UMOD: variants seen among roughly 807,000 people sequenced by gnomAD.
UMOD encodes the protein Tamm-Horsfall urinary glycoprotein.
Under a neutral mutation model 66.0 loss-of-function variants are expected in UMOD, and 64 were observed. The ratio of observed to expected loss-of-function variants is 0.97; its 90% CI spans 0.79 to 1.19. UMOD has a LOEUF of 1.19. UMOD is among the 50% of genes most tolerant of loss of function. The pLI is 0.00. For missense variants in UMOD, 764 were observed against 850.9 expected (o/e 0.90, Z 1.27); for synonymous variants, 398 against 352.7 (o/e 1.13, Z -1.44).
At chr16:20,353,464 A>G (rs927014308), upstream of UMOD, among the ~76,000 whole-genome samples, 2 of 152,202 alleles carry the variant, frequency 1.3e-5, no homozygotes, top group Non-Finnish European at 2.9e-5. Flanking sequence ...TTCCTTGTCT[A>G]TAAAATGAGA....
chr16:20,334,016 A>T (rs986909374), intron 10 of UMOD, among the ~76,000 whole-genome samples: 1 of 137,328 alleles, frequency 7.3e-6, no homozygotes, highest in Admixed American at 7.9e-5. Context: ...CCTGGGTGAC[A>T]GAGCAGATTC....
At position 20,333,332 on chromosome 16, in the gene UMOD, C is replaced by T; in HGVS notation, c.1905G>A (p.Leu635=). 1 of 1,613,236 alleles carries T rather than the reference C, an allele frequency of 6.2e-7. No homozygotes were observed. The change falls in exon 11 of 11, where the codon TTG becomes TTA. Residue 635 remains leucine, a synonymous_variant. Transcript: ENST00000396138. ...VWLPLLLSAT[L]TLTFQ is the part of the protein sequence containing the mutation. ...CTGTCAGTCACTGAAAAGTCAGGGT[C>T]AAGGTGGCCGAGAGAAGCAGAGGCA...
intron 7 of UMOD, among the ~76,000 whole-genome samples, chr16:20,340,507 A>C (rs984580263): frequency 3.3e-5 from 5 of 150,400 alleles, no homozygotes; most frequent in African/African-American, 9.7e-5. Flanking sequence ...ACATAAATAT[A>C]TATTTGCCAA....
chr16:20,336,402 C>A (rs1228605946), intron 9 of UMOD, among the ~76,000 whole-genome samples: 1 of 152,194 alleles, frequency 6.6e-6, no homozygotes, highest in African/African-American at 2.4e-5. Flanking sequence ...TTCCTACCTG[C>A]CTGTCTGGCC....
rs1344680444 is a variant in UMOD, at chr16:20,348,548, C to T, written c.753G>A (p.Trp251Ter). ...CATCCCACAGGCAGCAGTGGCCGCT[C>T]CAGTGCGCGCAGGCCTTGCGGCTCA... ...GIVSRKACAH[W>*]SGHCCLWDAS... The change falls in exon 3 of 11, where the codon TGG (tryptophan) becomes TGA (stop). Residue 251 changes from tryptophan to a stop codon, truncating the protein, a stop_gained. Coordinates refer to ENST00000396138, the MANE Select transcript of UMOD (RefSeq NM_003361.4). LOFTEE classifies it high-confidence loss of function. The T allele has an allele frequency of 6.2e-7, 1 of 1,601,088 alleles. No homozygotes were observed. The highest frequency in any genetic ancestry group is 8.5e-7 in the Non-Finnish European group (1 of 1,177,582).
chr16:20,335,802 A>T (rs1272616909), intron 9 of UMOD, among the ~76,000 whole-genome samples: 1 of 152,156 alleles, frequency 6.6e-6, no homozygotes, highest in East Asian at 1.9e-4. Context: ...TTAACAGGCC[A>T]GGCTCCCTCC....
upstream of UMOD, chr16:20,352,818 G>A (rs374097168): frequency 8.4e-6 from 9 of 1,068,810 alleles, no homozygotes; most frequent in African/African-American, 9.8e-5. Flanking sequence ...TTTTCTTGGG[G>A]GTGGAATATT....
At chr16:20,346,883 G>GAGAAAGAAAGAAAGAA (rs147502738) in intron 4 of UMOD, among the ~76,000 whole-genome samples, 9 of 151,192 alleles carry the variant, frequency 6.0e-5, no homozygotes, top group South Asian at 2.1e-4. Context: ...AAAAGAAAGA[G>GAGAAAGAAAGAAAGAA]AGAAAGAAAG....
At chr16:20,351,108 T>G in intron 1 of UMOD, 1 of 350,264 alleles carries the variant, frequency 2.9e-6, no homozygotes, top group South Asian at 2.4e-5. Context: ...AGTAGCCAGA[T>G]GGAATAGTGT....
rs755596993 is a variant in UMOD at position 20,344,007 on chromosome 16, A to C, written c.1331+17T>G. The C allele has an allele frequency of 6.2e-7, 1 of 1,612,262 alleles. No homozygotes were observed. The highest frequency in any genetic ancestry group is 8.5e-7 in the Non-Finnish European group (1 of 1,179,728). ...TTAGAACCATCTAGGGGCCCTAGGG[A>C]CCCTCTCTGGCCACACCTGACCATT... On this transcript the variant is annotated intron_variant, in intron 6 of 10. Coordinates refer to ENST00000396138, the MANE Select transcript of UMOD (RefSeq NM_003361.4).
chr16:20,343,309 C>A (rs1055311733), intron 6 of UMOD, among the ~76,000 whole-genome samples: 2 of 152,108 alleles, frequency 1.3e-5, no homozygotes, highest in Non-Finnish European at 2.9e-5. Context: ...GAATAGTTTA[C>A]CCCTGTAGGC....
In UMOD at chr16:20,341,191, C is replaced by T. The variant is rs770533587; in HGVS notation, c.1477G>A (p.Gly493Arg). 10 of 1,614,054 alleles carry T rather than the reference C, an allele frequency of 6.2e-6. No homozygotes were observed. The highest frequency in any genetic ancestry group is 7.6e-6 in the Non-Finnish European group (9 of 1,180,014). ...AFLYVGTMLDGGDLSRFALLM... is the reference protein window; with the variant it reads ...AFLYVGTMLDRGDLSRFALLM... Reference sequence around the variant, plus strand: ...AGTGCAAATCGGGACAGGTCGCCCCCATCCAACATGGTGCCCACGTAGAGA... The same window carrying T: ...AGTGCAAATCGGGACAGGTCGCCCCTATCCAACATGGTGCCCACGTAGAGA... The change falls in exon 7 of 11, where the codon GGG becomes AGG. Residue 493 changes from glycine to arginine, a missense_variant. Coordinates refer to ENST00000396138, the MANE Select transcript of UMOD (RefSeq NM_003361.4).
intron 6 of UMOD, among the ~76,000 whole-genome samples, chr16:20,341,801 T>C (rs1238781845): frequency 6.6e-6 from 1 of 152,210 alleles, no homozygotes; most frequent in Non-Finnish European, 1.5e-5. Flanking sequence ...GGCCTACAAC[T>C]TGCGTCCTGG....
At position 20,350,699 on chromosome 16, in the gene UMOD, C is replaced by CA. The variant is rs781512922; in HGVS notation, c.38dup (p.Val14GlyfsTer12). 6.2e-7 allele frequency: 1 copy of CA among 1,614,158 alleles called. No homozygotes were observed. Among genetic ancestry groups the CA allele is most frequent in the Non-Finnish European group, 8.5e-7 (1 of 1,180,024 alleles). ...CAGTTGTGATGAACCAAGAGGCCACCACCACCATCAGCATCCAAGTCAGAG... is the reference window on the plus strand; with the variant it reads ...CAGTTGTGATGAACCAAGAGGCCACCAACCACCATCAGCATCCAAGTCAGAG... On this transcript the variant is annotated frameshift_variant, in exon 2 of 11. Transcript: ENST00000396138. LOFTEE classifies it high-confidence loss of function.
intron 5 of UMOD, among the ~76,000 whole-genome samples, chr16:20,345,574 C>CTTCTCTTTCTTTCTTCCTCTCT (rs1161555572): frequency 7.4e-6 from 1 of 135,166 alleles, no homozygotes; most frequent in Admixed American, 8.3e-5. Flanking sequence ...TCTTTCCTTC[C>CTTCTCTTTCTTTCTTCCTCTCT]TTCTCTTTCT....
At position 20,349,907 on chromosome 16, in the gene UMOD, CTGT is replaced by C. The variant is rs1260044209; in HGVS notation, c.89-698_89-696del. 12 of 1,507,070 alleles carry C rather than the reference CTGT, an allele frequency of 8.0e-6. 1 individual carries two copies. The East Asian group carries it at 2.7e-4, about 34-fold the overall frequency. The allele number at this position is 1,507,070 out of a possible 1,614,324, so 93.4% of individuals were successfully genotyped here. A position where few individuals can be genotyped will look rare whatever the true frequency, so the allele number is the denominator to read the frequency against. Reference sequence around the variant, plus strand: ...AATAACCATTAAAAAAAAAAAGAAGCTGTTGTTTATTAAGCAATTACTATATGC... The same window carrying C: ...AATAACCATTAAAAAAAAAAAGAAGCTGTTTATTAAGCAATTACTATATGC... On this transcript the variant is annotated intron_variant, in intron 2 of 10. Coordinates refer to ENST00000396138, the MANE Select transcript of UMOD (RefSeq NM_003361.4).
chr16:20,333,178 T>C lies in UMOD; in HGVS notation c.*136A>G. The C allele has an allele frequency of 1.1e-6, 1 of 922,046 alleles. No individual in the cohort carries two copies. The allele number at this position is 922,046 out of a possible 1,614,324, so 57.1% of individuals were successfully genotyped here. A position where few individuals can be genotyped will look rare whatever the true frequency, so the allele number is the denominator to read the frequency against. On this transcript the variant is annotated 3_prime_UTR_variant, in exon 11 of 11. Transcript: ENST00000396138. The stretch of plus-strand genomic sequence containing the variant: ...CAGGCTGTTTCTCGACAGCCAGGAT[T>C]AAAAGGGAGAAAAGAAGGCAGGCTG...
rs548333017 is a variant in UMOD, at chr16:20,340,551, G to A, written c.1577+540C>T. 4.8e-3 allele frequency among the ~76,000 whole-genome samples: 727 copies of A among 150,518 alleles called. 4 individuals carry two copies. The highest frequency in any genetic ancestry group is 0.016 in the African/African-American group (665 of 41,002). On this transcript the variant is annotated intron_variant, in intron 7 of 10. Coordinates refer to ENST00000396138, the MANE Select transcript of UMOD (RefSeq NM_003361.4). The stretch of plus-strand genomic sequence containing the variant: ...TATTGATAATTCATTAAATAATAAG[G>A]TCTAGTGAAAATTCTAATGCTATAG...
rs749369652 is a variant in UMOD at position 20,336,639 on chromosome 16, C to T, written c.1822+7G>A. ...CAGGAATGTTGAGGAGCGAGTGGCTCTCTTACCTTTCCGTGTGATGGGACC... is the reference window on the plus strand; with the variant it reads ...CAGGAATGTTGAGGAGCGAGTGGCTTTCTTACCTTTCCGTGTGATGGGACC... On this transcript the variant is annotated splice_region_variant and intron_variant, in intron 9 of 10. Transcript: ENST00000396138. The T allele has an allele frequency of 1.4e-5, 23 of 1,613,532 alleles. No homozygotes were observed. Among genetic ancestry groups the T allele is most frequent in the Non-Finnish European group, 1.9e-5 (22 of 1,179,578 alleles).
Sources: gnomAD v4.1 joint callset for allele counts (sites outside exome capture counted in the v4.1 genomes callset) on GRCh38, gnomAD v4.1.1 for gene constraint, MANE v1.5 for transcripts, NCBI Gene and HGNC (gene_info 2026-07-23, HGNC 2026-07-21) for gene names.